Variants in AGAP3 observed in about 807,000 individuals in gnomAD.
AGAP3 encodes the protein arf-GAP with GTPase, ANK repeat and PH domain-containing protein 3.
A neutral mutation model predicts 96.9 loss-of-function variants in AGAP3; 24 were observed. The observed-to-expected ratio is 0.25, with a 90% CI of 0.18 to 0.35. AGAP3 has a LOEUF of 0.35. Ranked by LOEUF, AGAP3 falls within the 10% of genes least tolerant of loss-of-function variation. AGAP3 has a pLI of 1.00. For missense variants in AGAP3, 876 were observed against 1,254.2 expected (o/e 0.70, Z 4.55); for synonymous variants, 563 against 536.1 (o/e 1.05, Z -0.69).
At chr7:151,087,515 C>T (rs578006616) in intron 1 of AGAP3, among the ~76,000 whole-genome samples, 1 of 152,086 alleles carries the variant, frequency 6.6e-6, no homozygotes, top group Non-Finnish European at 1.5e-5. Flanking sequence ...CGCCCGCAGG[C>T]CCGGAGGGTG....
intron 12 of AGAP3, among the ~76,000 whole-genome samples, chr7:151,138,687 G>A (rs1195000169): frequency 2.0e-5 from 3 of 152,352 alleles, no homozygotes; most frequent in South Asian, 2.1e-4. Context: ...CCCCCGCGCA[G>A]TTAGCTCATC....
chr7:151,093,187 G>T (rs1293335619), intron 1 of AGAP3, among the ~76,000 whole-genome samples: 2 of 152,168 alleles, frequency 1.3e-5, no homozygotes, highest in Admixed American at 1.3e-4. Context: ...TGTTGTCCAG[G>T]CTGCAGTGCA....
At chr7:151,126,098 G>A (rs972317291) in intron 9 of AGAP3, among the ~76,000 whole-genome samples, 30 of 144,742 alleles carry the variant, frequency 2.1e-4, no homozygotes, top group Admixed American at 9.0e-4. Context: ...CGTTCCGCCC[G>A]CGCCCCCGGC....
At chr7:151,126,412 AAGGCTGGGAGAGGCTGGGAG>A (rs1208198862) in intron 9 of AGAP3, among the ~76,000 whole-genome samples, 5 of 65,062 alleles carry the variant, frequency 7.7e-5, no homozygotes, top group African/African-American at 1.7e-4. Flanking sequence ...TCTCCTGCTG[AAGGCTGGGAGAGGCTGGGAG>A]AGGCTGGGAG....
intron 10 of AGAP3, among the ~76,000 whole-genome samples, chr7:151,129,689 CG>C (rs934588790): frequency 1.1e-4 from 17 of 151,312 alleles, no homozygotes; most frequent in African/African-American, 4.1e-4. Context: ...AGCTCCCGCC[CG>C]ACCCCCCCAC....
rs182079737 is a variant in AGAP3, at chr7:151,091,335, C to T, written c.331+4263C>T. On this transcript the variant is annotated intron_variant, in intron 1 of 17. Transcript: ENST00000397238. ...TCTCATGGGGGCCTGGTTGCTTATG[C>T]AGGACTTTGCTCGCAAGAGTTCTAG... Among the ~76,000 whole-genome samples the T allele has an allele frequency of 2.4e-3, 370 of 152,342 alleles. 3 individuals carry two copies. Among genetic ancestry groups the T allele is most frequent in the Middle Eastern group, 0.01 (3 of 294 alleles).
chr7:151,143,066 C>T lies in AGAP3; in HGVS notation c.2274-275C>T, dbSNP rs1800882132. 6.6e-6 allele frequency among the ~76,000 whole-genome samples: 1 copy of T among 152,206 alleles called. No individual in the cohort carries two copies. On this transcript the variant is annotated intron_variant, in intron 16 of 17. Transcript: ENST00000397238. The surrounding 1 kb of genome is among the most constrained non-coding windows in gnomAD (Gnocchi z 5.9). The stretch of plus-strand genomic sequence containing the variant: ...ACGGGCCTGCCTGGAATCTTCCTGC[C>T]CTCTCAGCCCCCGCATCCCCACTGT...
Position 151,140,313 on chromosome 7 carries a change from T to G in AGAP3, c.1804+197T>G. On this transcript the variant is annotated intron_variant, in intron 13 of 17. Transcript: ENST00000397238. This position sits in a 1 kb window ranked among gnomAD's most constrained non-coding sequence, Gnocchi z 5.4. ...ATCTTAGAAAAGTTCTTCTGATAAC[T>G]GAAACCCTTTCTGTTGAAATGTGGG... is the stretch of plus-strand genomic sequence containing the variant. The G allele has an allele frequency of 1.9e-6, 1 of 525,590 alleles. No individual in the cohort carries two copies. The highest frequency in any genetic ancestry group is 2.9e-6 in the Non-Finnish European group (1 of 341,246). 32.6% of individuals were successfully genotyped at this position (525,590 alleles called of 1,614,324 possible). A position where few individuals can be genotyped will look rare whatever the true frequency, so the allele number is the denominator to read the frequency against.
intron 8 of AGAP3, chr7:151,123,512 C>T (rs1328280055): frequency 1.6e-6 from 2 of 1,250,046 alleles, no homozygotes; most frequent in African/African-American, 1.5e-5. Context: ...CTTACGCCCC[C>T]GCCCCGGGCG....
chr7:151,127,496 G>A (rs1214828512), intron 9 of AGAP3, among the ~76,000 whole-genome samples: 1 of 152,118 alleles, frequency 6.6e-6, no homozygotes, highest in Non-Finnish European at 1.5e-5. Flanking sequence ...TTCCCCCTAT[G>A]CTATTTTTGC....
At chr7:151,138,823 G>C (rs971253538) in intron 12 of AGAP3, among the ~76,000 whole-genome samples, 7 of 152,158 alleles carry the variant, frequency 4.6e-5, no homozygotes, top group African/African-American at 1.7e-4. Flanking sequence ...GAACTGGGGG[G>C]TCCCTGTGGA....
chr7:151,123,231 T>G, intron 8 of AGAP3: 1 of 1,069,862 alleles, frequency 9.3e-7, no homozygotes, highest in Non-Finnish European at 1.1e-6. Flanking sequence ...CCCCCTCTTT[T>G]TGGCCTCCCC....
At chr7:151,106,856 G>A (rs983813407) in intron 1 of AGAP3, among the ~76,000 whole-genome samples, 6 of 152,136 alleles carry the variant, frequency 3.9e-5, no homozygotes, top group Non-Finnish European at 7.4e-5. Context: ...TTAAAAAATC[G>A]CTGCACTGTT....
intron 9 of AGAP3, among the ~76,000 whole-genome samples, chr7:151,127,726 GT>G (rs1316618646): frequency 2.6e-5 from 4 of 152,200 alleles, no homozygotes; most frequent in Non-Finnish European, 5.9e-5. Context: ...TCTTTAGAGG[GT>G]TCTCACTAGA....
At chr7:151,123,602 A>G in intron 8 of AGAP3, 192 bp from the exon 9 acceptor site, 6 of 1,435,320 alleles carry the variant, frequency 4.2e-6, no homozygotes, top group Admixed American at 2.5e-5. Flanking sequence ...GCTGCTCTGT[A>G]TGGTGCCGTG....
At chr7:151,112,561 C>G (rs1799341759) in intron 1 of AGAP3, among the ~76,000 whole-genome samples, 1 of 152,040 alleles carries the variant, frequency 6.6e-6, no homozygotes, top group Non-Finnish European at 1.5e-5. Context: ...CATCCCCTCT[C>G]CGTCTCCAGA....
chr7:151,105,843 G>A (rs1279690942), intron 1 of AGAP3, among the ~76,000 whole-genome samples: 1 of 103,430 alleles, frequency 9.7e-6, no homozygotes, highest in Non-Finnish European at 1.8e-5. Flanking sequence ...GTCAAGCATT[G>A]CCACCCACCC....
chr7:151,123,418 C>G, intron 8 of AGAP3: 3 of 1,093,316 alleles, frequency 2.7e-6, no homozygotes, highest in Middle Eastern at 4.2e-4. Flanking sequence ...TCTGCCCGCT[C>G]ACTTGTGGAC....
In AGAP3 at chr7:151,108,857, G is replaced by A. The variant is rs1330084516; in HGVS notation, c.332-7936G>A. ...AATGCCCTCATCTCTAAAAGGAGAG[G>A]ATGAACCAGAACACGAGTTCTGAAC... On this transcript the variant is annotated intron_variant, in intron 1 of 17. Transcript: ENST00000397238. This position sits in a 1 kb window ranked among gnomAD's most constrained non-coding sequence, Gnocchi z 4.2. Among the ~76,000 whole-genome samples the A allele has an allele frequency of 6.6e-6, 1 of 152,198 alleles. No homozygotes were observed. The highest frequency in any genetic ancestry group is 1.5e-5 in the Non-Finnish European group (1 of 68,034).
Sources: allele counts gnomAD v4.1 joint callset (sites outside exome capture counted in the v4.1 genomes callset), GRCh38; gene constraint gnomAD v4.1.1; non-coding constraint Gnocchi (gnomAD v3.1); transcripts MANE v1.5; gene names NCBI Gene and HGNC (gene_info 2026-07-23, HGNC 2026-07-21).